Variants in ALPK2 observed in about 807,000 individuals in gnomAD.
ALPK2 encodes alpha kinase 2.
A neutral mutation model predicts 163.1 loss-of-function variants in ALPK2; 127 were observed. The observed-to-expected ratio is 0.78, with a 90% CI of 0.67 to 0.90. The LOEUF (loss-of-function observed/expected upper bound fraction) is 0.90. Among genes scored for constraint, ALPK2 ranks in the 40% least tolerant of loss-of-function variants. ALPK2 has a pLI of 0.00. For missense variants in ALPK2, 2,360 were observed against 2,589.6 expected, an observed-to-expected ratio of 0.91 and a Z score of 1.92; for synonymous variants, 953 against 959.1, an observed-to-expected ratio of 0.99 and a Z score of 0.12.
In ALPK2 at chr18:58,579,527, C is replaced by T; in HGVS notation, c.1249G>A (p.Val417Ile). The change falls in exon 4 of 13, where the codon GTC becomes ATC. Residue 417 changes from valine (V) to isoleucine (I), a missense_variant. Val to Ile is a conservative substitution (Grantham distance 29). Coordinates refer to ENST00000361673, the MANE Select transcript of ALPK2 (RefSeq NM_052947.4). Reference sequence around the variant, plus strand: ...GGGGATGAGGGACCGTGCTTGGAGACTCTGCTGCTCCTCACCCCAACTTCT... The same window carrying T: ...GGGGATGAGGGACCGTGCTTGGAGATTCTGCTGCTCCTCACCCCAACTTCT... ...PQEVGVRSSRVSKHGPSSPQT... is the reference protein window; with the variant it reads ...PQEVGVRSSRISKHGPSSPQT... 1 of 1,613,848 alleles carries T rather than the reference C, an allele frequency of 6.2e-7. No individual in the cohort carries two copies. The highest frequency in any genetic ancestry group is 1.1e-5 in the South Asian group (1 of 91,066).
intron 3 of ALPK2, among the ~76,000 whole-genome samples, chr18:58,588,899 C>T (rs757915409): frequency 6.6e-6 from 1 of 152,120 alleles, no homozygotes; most frequent in African/African-American, 2.4e-5. Context: ...TGAACATATG[C>T]GTGCATATAT....
chr18:58,517,195 A>G lies in ALPK2; in HGVS notation c.5666-13T>C. ...ATCTCTTCACATCCTGAAACACAGC[A>G]CAGCTTTGGTTGGAAAGAATACCTC... On this transcript the variant is annotated splice_polypyrimidine_tract_variant and intron_variant, in intron 8 of 12. Transcript: ENST00000361673. 5 of 1,610,122 alleles carry G rather than the reference A, an allele frequency of 3.1e-6. No individual in the cohort carries two copies. Among genetic ancestry groups the G allele is most frequent in the Non-Finnish European group, 4.2e-6 (5 of 1,177,054 alleles).
intron 4 of ALPK2, 143 bp from the exon 5 acceptor site, chr18:58,538,367 T>C: frequency 1.3e-6 from 1 of 769,938 alleles, no homozygotes; most frequent in Non-Finnish European, 2.0e-6. Context: ...ATCCCCCAAC[T>C]CCCTCTAGCT....
At chr18:58,529,302 C>A in intron 5 of ALPK2, 64 bp from the exon 6 acceptor site, 1 of 1,450,018 alleles carries the variant, frequency 6.9e-7, no homozygotes, top group Non-Finnish European at 9.4e-7. Context: ...CCATTTAATT[C>A]TCATAACAAT....
intron 4 of ALPK2, among the ~76,000 whole-genome samples, chr18:58,572,628 G>A (rs2051891735): frequency 6.6e-6 from 1 of 152,158 alleles, no homozygotes; most frequent in African/African-American, 2.4e-5. Flanking sequence ...CTTGTATACT[G>A]TATGATTCCA....
chr18:58,499,942 C>T (rs569332746), intron 11 of ALPK2, among the ~76,000 whole-genome samples: 3 of 152,370 alleles, frequency 2.0e-5, no homozygotes, highest in Admixed American at 6.5e-5. Context: ...TTCTGAGGCC[C>T]AGGAAAAGAC....
At chr18:58,607,786 G>A (rs1367840384) in intron 2 of ALPK2, among the ~76,000 whole-genome samples, 16 of 152,180 alleles carry the variant, frequency 1.1e-4, no homozygotes, top group Non-Finnish European at 2.4e-4. Flanking sequence ...TCATATGAAG[G>A]CAAAGGCCCA....
rs2051448503 is a variant in ALPK2 at position 58,504,148 on chromosome 18, C to T, written c.6030G>A (p.Glu2010=). The T allele has an allele frequency of 1.2e-6, 2 of 1,613,292 alleles. No homozygotes were observed. Among genetic ancestry groups the T allele is most frequent in the Non-Finnish European group, 1.7e-6 (2 of 1,179,456 alleles). Residue 2010 remains glutamate, a splice_region_variant and synonymous_variant, in exon 11 of 13, where the codon GAG becomes GAA. Coordinates refer to ENST00000361673, the MANE Select transcript of ALPK2 (RefSeq NM_052947.4). ...GATGGATAAGAAAAATAGGAATGAT[C>T]CTGGCAGGGAAGAGAACACAGGCGC... ...QPLEGFGEVP[E]IIPIFLIHRP...
chr18:58,485,188 T>C (rs2051332419), intron 12 of ALPK2, among the ~76,000 whole-genome samples: 1 of 152,204 alleles, frequency 6.6e-6, no homozygotes, highest in African/African-American at 2.4e-5. Flanking sequence ...CTGGCCGTTG[T>C]TGCTTAATAG....
chr18:58,541,196 GCTT>G (rs2051687819), intron 4 of ALPK2, among the ~76,000 whole-genome samples: 1 of 152,266 alleles, frequency 6.6e-6, no homozygotes, highest in African/African-American at 2.4e-5. Context: ...GGTGGCAACT[GCTT>G]CTGGAGAGGC....
intron 1 of ALPK2, among the ~76,000 whole-genome samples, chr18:58,624,682 G>A (rs866612538): frequency 1.3e-5 from 2 of 152,208 alleles, no homozygotes; most frequent in East Asian, 1.9e-4. Flanking sequence ...TCAAAGTCCC[G>A]ACCTCAAGTG....
chr18:58,599,361 T>G (rs2052057414), intron 3 of ALPK2, among the ~76,000 whole-genome samples: 1 of 152,182 alleles, frequency 6.6e-6, no homozygotes, highest in Admixed American at 6.5e-5. Flanking sequence ...TCAGGGAGAA[T>G]GCCACGGGAA....
chr18:58,614,760 T>C (rs1245009006), intron 1 of ALPK2, among the ~76,000 whole-genome samples: 1 of 152,064 alleles, frequency 6.6e-6, no homozygotes, highest in Non-Finnish European at 1.5e-5. Flanking sequence ...TACCATACCA[T>C]ACACAATTTA....
At chr18:58,494,440 A>G (rs2051391406) in intron 12 of ALPK2, among the ~76,000 whole-genome samples, 1 of 152,202 alleles carries the variant, frequency 6.6e-6, no homozygotes, top group Non-Finnish European at 1.5e-5. Context: ...ATTTTATTTT[A>G]TGAGATTAGA....
chr18:58,537,290 G>C lies in ALPK2; in HGVS notation c.2897C>G (p.Pro966Arg), dbSNP rs746682074. ...TGTGGCTGTGGTGTCTGCGGCACTA[G>C]GACTGGGGCTCTTGTCACCTCCTTC... ...FKEGGDKSPS[P>R]SAADTTATPA... The change falls in exon 5 of 13, where the codon CCT becomes CGT. Residue 966 changes from proline to arginine, a missense_variant. Transcript: ENST00000361673. 3 of 1,614,064 alleles carry C rather than the reference G, an allele frequency of 1.9e-6. No individual in the cohort carries two copies. Among genetic ancestry groups the C allele is most frequent in the Non-Finnish European group, 2.5e-6 (3 of 1,180,022 alleles).
At chr18:58,517,518 G>A (rs1176236190) in intron 8 of ALPK2, among the ~76,000 whole-genome samples, 1 of 152,170 alleles carries the variant, frequency 6.6e-6, no homozygotes, top group African/African-American at 2.4e-5. Flanking sequence ...GATGGGAAAA[G>A]TGTAGAGGAG....
chr18:58,600,217 A>C (rs1420195211), intron 3 of ALPK2, among the ~76,000 whole-genome samples: 1 of 151,824 alleles, frequency 6.6e-6, no homozygotes, highest in Non-Finnish European at 1.5e-5. Context: ...TTGTATTTTT[A>C]GTACAGACAG....
intron 10 of ALPK2, among the ~76,000 whole-genome samples, 182 bp downstream of exon 10, chr18:58,514,811 A>G (rs974288845): frequency 1.8e-4 from 27 of 149,214 alleles, no homozygotes; most frequent in African/African-American, 6.3e-4. Flanking sequence ...ATATTATTAT[A>G]TTATATAATA....
chr18:58,523,183 G>A (rs1396089169), intron 8 of ALPK2, among the ~76,000 whole-genome samples: 18 of 149,612 alleles, frequency 1.2e-4, no homozygotes, highest in South Asian at 1.1e-3. Flanking sequence ...TTGTCCTTGC[G>A]ATAGTTTACT....
Sources: allele counts gnomAD v4.1 joint callset (sites outside exome capture counted in the v4.1 genomes callset), GRCh38; gene constraint gnomAD v4.1.1; transcripts MANE v1.5; gene names NCBI Gene and HGNC (gene_info 2026-07-23, HGNC 2026-07-21).